CPT1A: variants seen among roughly 807,000 people sequenced by gnomAD.
CPT1A encodes the protein carnitine palmitoyltransferase 1A, also known as carnitine O-palmitoyltransferase 1, liver isoform.
CPT1A carries 64 observed loss-of-function variants against 100.8 expected under a neutral mutation model. That is an observed-to-expected ratio of 0.63 (90% CI 0.52 to 0.78). The LOEUF (loss-of-function observed/expected upper bound fraction) is 0.78, where lower values mean the gene tolerates loss of function less well. Ranked by LOEUF, CPT1A falls within the 30% of genes least tolerant of loss-of-function variation. The pLI, the probability that CPT1A is intolerant of heterozygous loss-of-function variation, is 0.00. For missense variants in CPT1A, 802 were observed against 1,034.1 expected (o/e 0.78, Z 3.08); for synonymous variants, 363 against 396.0 (o/e 0.92, Z 0.99).
chr11:68,815,287 A>G (rs756571958), intron 2 of CPT1A, 47 bp downstream of exon 2: 1 of 1,596,280 alleles, frequency 6.3e-7, no homozygotes. Flanking sequence ...CCCCGTTCTT[A>G]GATATTAAAA....
intron 3 of CPT1A, among the ~76,000 whole-genome samples, chr11:68,808,077 G>A (rs1594357221): frequency 1.3e-5 from 2 of 152,346 alleles, no homozygotes; most frequent in Admixed American, 6.5e-5. Context: ...GTGCGTCCCC[G>A]GCAGGTGCGC....
At chr11:68,838,585 A>AAAACAAAAAAAC (rs1555235339) in intron 1 of CPT1A, among the ~76,000 whole-genome samples, 1 of 147,572 alleles carries the variant, frequency 6.8e-6, no homozygotes, top group East Asian at 2.0e-4. Context: ...AAAAAAAAAA[A>AAAACAAAAAAAC]AAAAAACAGA....
intron 14 of CPT1A, among the ~76,000 whole-genome samples, chr11:68,766,784 G>A (rs534296810): frequency 1.7e-4 from 26 of 150,934 alleles, no homozygotes; most frequent in African/African-American, 5.8e-4. Flanking sequence ...TACCACGCCC[G>A]GCACTCCAGC....
intron 1 of CPT1A, among the ~76,000 whole-genome samples, chr11:68,818,864 A>AAC (rs1446305104): frequency 3.3e-5 from 5 of 152,042 alleles, no homozygotes; most frequent in Non-Finnish European, 7.4e-5. Flanking sequence ...TCTCAACAAC[A>AAC]ACAACAACAA....
chr11:68,757,527 A>C lies in CPT1A; in HGVS notation c.*117T>G. On this transcript the variant is annotated 3_prime_UTR_variant, in exon 19 of 19. Transcript: ENST00000265641. ...AAAACACCCACATTTTCTGGAAGGA[A>C]AACTGAGTTTTTTTAAGAGCAGTGT... The C allele has an allele frequency of 6.4e-7, 1 of 1,555,894 alleles. No homozygotes were observed. The highest frequency in any genetic ancestry group is 8.7e-7 in the Non-Finnish European group (1 of 1,153,172).
At chr11:68,839,406 A>G in intron 1 of CPT1A, 1 of 679,416 alleles carries the variant, frequency 1.5e-6, no homozygotes, top group Non-Finnish European at 1.8e-6. Context: ...AAGTAGGGGA[A>G]AGGTCAGCAG....
chr11:68,831,093 C>T (rs1256202740), intron 1 of CPT1A, among the ~76,000 whole-genome samples: 1 of 152,232 alleles, frequency 6.6e-6, no homozygotes, highest in East Asian at 1.9e-4. Flanking sequence ...GGCCAATAAA[C>T]TGCTCTGGTA....
chr11:68,827,727 G>A (rs1021932069), intron 1 of CPT1A, among the ~76,000 whole-genome samples: 4 of 151,932 alleles, frequency 2.6e-5, no homozygotes, highest in African/African-American at 7.3e-5. Flanking sequence ...CCCAGAATGC[G>A]GGGCTCATCT....
At chr11:68,835,164 A>G (rs927693175) in intron 1 of CPT1A, among the ~76,000 whole-genome samples, 1 of 152,228 alleles carries the variant, frequency 6.6e-6, no homozygotes, top group Admixed American at 6.5e-5. Flanking sequence ...TGACAGACCC[A>G]GTTATCTGAC....
In CPT1A at chr11:68,800,822, G is replaced by T. The variant is rs1855886790; in HGVS notation, c.556-1467C>A. Among the ~76,000 whole-genome samples the T allele has an allele frequency of 1.3e-5, 2 of 151,864 alleles. 1 individual carries two copies. The highest frequency in any genetic ancestry group is 4.1e-4 in the South Asian group (2 of 4,820). ...AAAGTAAGACCCCACTCCCTTAAAA[G>T]GGCCAGCTGTAGCTGGGCACGGTGG... On this transcript the variant is annotated intron_variant, in intron 5 of 18. Coordinates refer to ENST00000265641, the MANE Select transcript of CPT1A (RefSeq NM_001876.4).
intron 2 of CPT1A, among the ~76,000 whole-genome samples, chr11:68,813,277 C>A (rs900251890): frequency 8.6e-5 from 13 of 151,904 alleles, no homozygotes; most frequent in Non-Finnish European, 2.9e-5. Flanking sequence ...ACACCTGTAA[C>A]CCCAGCACTT....
chr11:68,819,346 C>T (rs535896373), intron 1 of CPT1A, among the ~76,000 whole-genome samples: 1 of 152,292 alleles, frequency 6.6e-6, no homozygotes, highest in East Asian at 1.9e-4. Flanking sequence ...TCCCAAAGTG[C>T]CGGGATTACT....
chr11:68,822,901 T>G (rs1182662661), intron 1 of CPT1A, among the ~76,000 whole-genome samples: 5 of 152,146 alleles, frequency 3.3e-5, no homozygotes, highest in Non-Finnish European at 7.3e-5. Context: ...AGACAGAAAG[T>G]ACACTAGTGG....
rs777843034 is a variant in CPT1A, at chr11:68,773,316, G to T, written c.1689C>A (p.Arg563=). The T allele has an allele frequency of 6.2e-7, 1 of 1,614,184 alleles. No homozygotes were observed. The highest frequency in any genetic ancestry group is 8.5e-7 in the Non-Finnish European group (1 of 1,180,032). ...GCTGCACAAAGGCGTCTGGGCTCGTGCGACATTTCTTGATGATTCCTTTAC... is the reference window on the plus strand; with the variant it reads ...GCTGCACAAAGGCGTCTGGGCTCGTTCGACATTTCTTGATGATTCCTTTAC... The part of the protein sequence containing the change: ...AFGKGIIKKC[R]TSPDAFVQLA... Residue 563 remains arginine (R), a synonymous_variant, in exon 14 of 19, where the codon CGC becomes CGA. Transcript: ENST00000265641.
At chr11:68,778,488 C>T (rs1855201788) in intron 12 of CPT1A, among the ~76,000 whole-genome samples, 1 of 152,072 alleles carries the variant, frequency 6.6e-6, no homozygotes, top group South Asian at 2.1e-4. Context: ...ATAATCCCAG[C>T]ACTTTGAGAG....
intron 13 of CPT1A, 166 bp from the exon 14 acceptor site, chr11:68,773,595 TCCCTG>T: frequency 7.9e-7 from 1 of 1,271,586 alleles, no homozygotes; most frequent in East Asian, 2.6e-5. Context: ...GGGGCATGGC[TCCCTG>T]ACCCCGGAGG....
chr11:68,756,499 C>A lies in CPT1A; in HGVS notation c.*1145G>T, dbSNP rs1419378581. ...GTGAGCCGGCATACTGTCTCCATCA[C>A]CCTCTGGTGAGTCTTTCCCCTCACC... On this transcript the variant is annotated 3_prime_UTR_variant, in exon 19 of 19. Transcript: ENST00000265641. 2.0e-5 allele frequency: 3 copies of A among 152,372 alleles called. No individual in the cohort carries two copies. Among genetic ancestry groups the A allele is most frequent in the Admixed American group, 1.3e-4 (2 of 15,302 alleles). 9.4% of individuals were successfully genotyped at this position (152,372 alleles called of 1,614,324 possible).
In CPT1A at chr11:68,756,136, C is replaced by T. The variant is rs901316114; in HGVS notation, c.*1508G>A. On this transcript the variant is annotated 3_prime_UTR_variant, in exon 19 of 19. Transcript: ENST00000265641. ...TCAAAAAAAAAAAAAAAAAAAAAGG[C>T]ACGTGTTCTCCGGCAAGCACCTTCC... The T allele has an allele frequency of 2.5e-5, 3 of 117,694 alleles. No individual in the cohort carries two copies. Among genetic ancestry groups the T allele is most frequent in the African/African-American group, 9.8e-5 (3 of 30,586 alleles). 7.3% of individuals were successfully genotyped at this position (117,694 alleles called of 1,614,324 possible). A position where few individuals can be genotyped will look rare whatever the true frequency, so the allele number is the denominator to read the frequency against.
Position 68,841,072 on chromosome 11 carries a change from C to T in CPT1A, c.-14+703G>A, listed in dbSNP as rs1199670420. 6.6e-6 allele frequency among the ~76,000 whole-genome samples: 1 copy of T among 152,256 alleles called. No homozygotes were observed. The highest frequency in any genetic ancestry group is 1.5e-5 in the Non-Finnish European group (1 of 68,042). On this transcript the variant is annotated intron_variant, in intron 1 of 18. Transcript: ENST00000265641. This position sits in a 1 kb window ranked among gnomAD's most constrained non-coding sequence, Gnocchi z 6.3. ...GGAGTCCCTGCGCCAAGGGCGTGTC[C>T]CGACGGCTGCACCGCGAGGGCGGGC... is the stretch of plus-strand genomic sequence containing the variant.
Sources: allele counts gnomAD v4.1 joint callset (sites outside exome capture counted in the v4.1 genomes callset), GRCh38; gene constraint gnomAD v4.1.1; non-coding constraint Gnocchi (gnomAD v3.1); transcripts MANE v1.5; gene names NCBI Gene and HGNC (gene_info 2026-07-23, HGNC 2026-07-21).